NKAIN2: variants seen among roughly 807,000 people sequenced by gnomAD.
NKAIN2 encodes sodium/potassium-transporting ATPase subunit beta-1-interacting protein 2.
Under a neutral mutation model 32.6 loss-of-function variants are expected in NKAIN2, and 14 were observed. The ratio of observed to expected loss-of-function variants is 0.43; its 90% confidence interval spans 0.28 to 0.67. The LOEUF (loss-of-function observed/expected upper bound fraction) is 0.67. NKAIN2 is among the 30% of genes least tolerant of loss of function. The pLI is 0.17. For synonymous variants in NKAIN2, 80 were observed against 87.2 expected (o/e 0.92, Z 0.46); for missense variants, 198 against 258.3 (o/e 0.77, Z 1.60).
intron 5 of NKAIN2, among the ~76,000 whole-genome samples, chr6:124,805,054 C>T (rs1255508446): frequency 1.3e-5 from 2 of 152,214 alleles, no homozygotes; most frequent in East Asian, 3.9e-4. Context: ...TAGGCTCCAC[C>T]TCTGGGGGCA....
At chr6:124,625,887 C>T (rs991985669) in intron 3 of NKAIN2, among the ~76,000 whole-genome samples, 5 of 123,328 alleles carry the variant, frequency 4.1e-5, no homozygotes, top group Non-Finnish European at 7.7e-5. Flanking sequence ...TCTCCTCTAA[C>T]AAACAAACAT....
At position 124,746,798 on chromosome 6, in the gene NKAIN2, C is replaced by G. The variant is rs570269426; in HGVS notation, c.475-44541C>G. On this transcript the variant is annotated intron_variant, in intron 4 of 6. Coordinates refer to ENST00000368417, the MANE Select transcript of NKAIN2 (RefSeq NM_001040214.3). ...TAGACTCGGTTCTACCATCAATAAG[C>G]TAAGTGACCTATGGGACGTCGCTTC... Among the ~76,000 whole-genome samples the G allele has an allele frequency of 3.9e-5, 6 of 151,952 alleles. No individual in the cohort carries two copies. In the South Asian group the frequency reaches 1.2e-3, roughly 31 times the overall value.
intron 3 of NKAIN2, among the ~76,000 whole-genome samples, chr6:124,361,981 TA>T (rs1456159245): frequency 1.3e-5 from 2 of 152,144 alleles, no homozygotes; most frequent in Admixed American, 1.3e-4. Flanking sequence ...ACCTCATATG[TA>T]AAAAGATGGT....
intron 1 of NKAIN2, among the ~76,000 whole-genome samples, chr6:123,963,861 A>T (rs567277160): frequency 1.3e-5 from 2 of 152,306 alleles, no homozygotes; most frequent in East Asian, 3.9e-4. Context: ...CAGCAAAGTT[A>T]TAATATTATG....
chr6:124,084,007 T>C (rs1178486210), intron 1 of NKAIN2, among the ~76,000 whole-genome samples: 1 of 151,944 alleles, frequency 6.6e-6, no homozygotes, highest in East Asian at 1.9e-4. Context: ...AATAAAGCTA[T>C]AACAGAAGGT....
At chr6:124,415,098 A>G (rs538814903) in intron 3 of NKAIN2, among the ~76,000 whole-genome samples, 22 of 152,324 alleles carry the variant, frequency 1.4e-4, no homozygotes, top group Admixed American at 1.1e-3. Context: ...TCTGCAGCAG[A>G]CAACAGCTGG....
intron 3 of NKAIN2, among the ~76,000 whole-genome samples, chr6:124,411,436 T>A (rs1202898653): frequency 6.6e-6 from 1 of 152,196 alleles, no homozygotes; most frequent in Non-Finnish European, 1.5e-5. Context: ...CTCCTTCACT[T>A]ATGAAGCTTA....
At chr6:124,464,339 C>T (rs889430638) in intron 3 of NKAIN2, among the ~76,000 whole-genome samples, 5 of 151,876 alleles carry the variant, frequency 3.3e-5, no homozygotes, top group Non-Finnish European at 5.9e-5. Flanking sequence ...TATAATCTCC[C>T]ATTCTTTATT....
chr6:124,680,590 C>T lies in NKAIN2; in HGVS notation c.474+22204C>T, dbSNP rs117531896. On this transcript the variant is annotated intron_variant, in intron 4 of 6. Coordinates refer to ENST00000368417, the MANE Select transcript of NKAIN2 (RefSeq NM_001040214.3). Reference sequence around the variant, plus strand: ...GGTATTTGGCTATCAGGTGGCTCTCCCTGAACATACAAATTAAAATATATT... The same window carrying T: ...GGTATTTGGCTATCAGGTGGCTCTCTCTGAACATACAAATTAAAATATATT... 4.9e-4 allele frequency among the ~76,000 whole-genome samples: 74 copies of T among 152,054 alleles called. 4 individuals carry two copies. The East Asian group carries it at 0.014, about 29-fold the overall frequency.
intron 3 of NKAIN2, among the ~76,000 whole-genome samples, chr6:124,414,494 A>G (rs1349033191): frequency 1.3e-5 from 2 of 152,208 alleles, no homozygotes; most frequent in Admixed American, 1.3e-4. Context: ...CAATCTTGAT[A>G]GGAGGACAAT....
At chr6:123,813,324 G>A (rs1034774314) in intron 1 of NKAIN2, among the ~76,000 whole-genome samples, 1 of 152,148 alleles carries the variant, frequency 6.6e-6, no homozygotes. Flanking sequence ...AATTCATCCC[G>A]GTGGGCATAG....
At chr6:124,614,036 A>T (rs770559243) in intron 3 of NKAIN2, among the ~76,000 whole-genome samples, 1 of 152,044 alleles carries the variant, frequency 6.6e-6, no homozygotes, top group Middle Eastern at 3.2e-3. Flanking sequence ...CAAATCCTAC[A>T]CCTCAAGAAT....
chr6:124,418,474 G>GTA (rs1053592065), intron 3 of NKAIN2, among the ~76,000 whole-genome samples: 26 of 146,342 alleles, frequency 1.8e-4, no homozygotes, highest in East Asian at 3.9e-4. Flanking sequence ...AGTTTATATA[G>GTA]TATATATATA....
intron 1 of NKAIN2, among the ~76,000 whole-genome samples, chr6:124,271,183 C>T (rs1175129656): frequency 6.6e-6 from 1 of 152,256 alleles, no homozygotes; most frequent in South Asian, 2.1e-4. Flanking sequence ...CCTGGGGCCT[C>T]ACTGGCCATG....
At chr6:124,326,357 G>A (rs1426224634) in intron 2 of NKAIN2, among the ~76,000 whole-genome samples, 1 of 151,892 alleles carries the variant, frequency 6.6e-6, no homozygotes, top group Non-Finnish European at 1.5e-5. Context: ...GATTCCTGTG[G>A]TGAATGCAGA....
intron 1 of NKAIN2, among the ~76,000 whole-genome samples, chr6:124,153,734 T>C (rs802254): frequency 0.91 from 138,147 of 151,642 alleles, 62,939 homozygotes; most frequent in South Asian, 0.95. Context: ...ATTAAATTCA[T>C]TTAATTATAA....
At chr6:124,565,321 C>G (rs192157223) in intron 3 of NKAIN2, among the ~76,000 whole-genome samples, 3 of 152,272 alleles carry the variant, frequency 2.0e-5, no homozygotes, top group Admixed American at 6.5e-5. Context: ...ATATGACTTC[C>G]AAAGAGACTT....
intron 1 of NKAIN2, among the ~76,000 whole-genome samples, chr6:124,126,822 G>A (rs192470986): frequency 3.3e-5 from 5 of 152,282 alleles, no homozygotes; most frequent in African/African-American, 1.2e-4. Context: ...GGGTGTGGTA[G>A]CATGTGCCTG....
rs557701334 is a variant in NKAIN2 at position 124,526,483 on chromosome 6, C to G, written c.274-131703C>G. The stretch of plus-strand genomic sequence containing the variant: ...CAGGTCTTCCACATGTTAATTGCTA[C>G]TGGGGTATAAGAGGGCCAACCCCCA... On this transcript the variant is annotated intron_variant, in intron 3 of 6. Coordinates refer to ENST00000368417, the MANE Select transcript of NKAIN2 (RefSeq NM_001040214.3). Among the ~76,000 whole-genome samples, 6 of 152,140 alleles carry G rather than the reference C, an allele frequency of 3.9e-5. No homozygotes were observed. In the South Asian group the frequency reaches 1.2e-3, roughly 32 times the overall value.
Sources: gnomAD v4.1 joint callset for allele counts (sites outside exome capture counted in the v4.1 genomes callset) on GRCh38, gnomAD v4.1.1 for gene constraint, MANE v1.5 for transcripts, NCBI Gene and HGNC (gene_info 2026-07-23, HGNC 2026-07-21) for gene names.